The following STX18 variants were observed in gnomAD, a reference collection of about 807,000 sequenced individuals.
The protein encoded by STX18 is syntaxin 18.
Under a neutral mutation model 50.1 loss-of-function variants are expected in STX18, and 40 were observed. The observed-to-expected ratio is 0.80, with a 90% confidence interval of 0.62 to 1.04. The LOEUF is 1.04. Ranked by LOEUF, STX18 falls within the 50% of genes least tolerant of loss-of-function variation. STX18 has a pLI of 0.00. For missense variants in STX18, 410 were observed against 415.8 expected (o/e 0.99, Z 0.12); for synonymous variants, 158 against 151.8 (o/e 1.04, Z -0.30).
At chr4:4,526,489 A>G (rs910570283) in intron 1 of STX18, among the ~76,000 whole-genome samples, 4 of 152,146 alleles carry the variant, frequency 2.6e-5, no homozygotes, top group African/African-American at 9.7e-5. Context: ...CGAATTCCTA[A>G]ATTTTTATTT....
intron 3 of STX18, among the ~76,000 whole-genome samples, chr4:4,459,062 G>GCACACACACACA (rs60704649): frequency 0.11 from 15,253 of 144,190 alleles, 824 homozygotes; most frequent in Non-Finnish European, 0.13. Flanking sequence ...ACACACACAC[G>GCACACACACACA]CACACACACA....
intron 1 of STX18, among the ~76,000 whole-genome samples, chr4:4,524,236 T>C (rs1730647618): frequency 6.6e-6 from 1 of 152,076 alleles, no homozygotes; most frequent in African/African-American, 2.4e-5. Context: ...TAAAGCAGAG[T>C]GAATGGGCAC....
At chr4:4,449,303 G>A (rs916634943) in intron 5 of STX18, among the ~76,000 whole-genome samples, 2 of 151,550 alleles carry the variant, frequency 1.3e-5, no homozygotes, top group East Asian at 1.9e-4. Flanking sequence ...CTCCCACCTC[G>A]GCCTCCCAAA....
chr4:4,491,833 T>C (rs1304949492), intron 1 of STX18, among the ~76,000 whole-genome samples: 1 of 152,082 alleles, frequency 6.6e-6, no homozygotes, highest in East Asian at 1.9e-4. Context: ...AGAATGAACA[T>C]ATTTTAAAGT....
Position 4,420,199 on chromosome 4 carries a change from C to T in STX18, c.913-70G>A, listed in dbSNP as rs1421534701. 2.2e-5 allele frequency: 27 copies of T among 1,252,880 alleles called. No individual in the cohort carries two copies. The highest frequency in any genetic ancestry group is 2.7e-5 in the Non-Finnish European group (24 of 882,070). 77.6% of individuals were successfully genotyped at this position (1,252,880 alleles called of 1,614,324 possible). ...TGGTTTGAGCAGCCCTGAAATGCCC[C>T]CCTCTTCCCACGTGCTCTCCTGATC... On this transcript the variant is annotated intron_variant, in intron 10 of 10. Coordinates refer to ENST00000306200, the MANE Select transcript of STX18 (RefSeq NM_016930.4). This position sits in a 1 kb window ranked among gnomAD's most constrained non-coding sequence, Gnocchi z 4.3.
chr4:4,435,098 G>C (rs1443494827), intron 6 of STX18, among the ~76,000 whole-genome samples: 1 of 152,146 alleles, frequency 6.6e-6, no homozygotes, highest in East Asian at 1.9e-4. Flanking sequence ...GGGGACCTAT[G>C]CACGGTTTCA....
chr4:4,456,748 T>A (rs1017190663), intron 5 of STX18, among the ~76,000 whole-genome samples: 6 of 152,162 alleles, frequency 3.9e-5, no homozygotes, highest in African/African-American at 1.4e-4. Context: ...CTCTCAGGAA[T>A]ACACTTTCAG....
At chr4:4,481,930 G>C (rs1728482688) in intron 1 of STX18, among the ~76,000 whole-genome samples, 1 of 152,136 alleles carries the variant, frequency 6.6e-6, no homozygotes, top group African/African-American at 2.4e-5. Context: ...TCTTTCAGCA[G>C]TTGTTGAGTA....
At chr4:4,521,681 T>A (rs945887103) in intron 1 of STX18, among the ~76,000 whole-genome samples, 2 of 151,920 alleles carry the variant, frequency 1.3e-5, no homozygotes, top group African/African-American at 4.8e-5. Context: ...AAAAAAAAAA[T>A]ACAACTTAGC....
chr4:4,522,925 G>T (rs914726638), intron 1 of STX18, among the ~76,000 whole-genome samples: 1 of 152,228 alleles, frequency 6.6e-6, no homozygotes, highest in Non-Finnish European at 1.5e-5. Flanking sequence ...TGTGAGTGCA[G>T]AGAGACAGAA....
chr4:4,486,994 T>C (rs971495836), intron 1 of STX18, among the ~76,000 whole-genome samples: 3 of 152,170 alleles, frequency 2.0e-5, no homozygotes, highest in Non-Finnish European at 4.4e-5. Context: ...TCTGATCTCT[T>C]CTATAAAAGA....
At chr4:4,531,900 T>C (rs998002370) in intron 1 of STX18, among the ~76,000 whole-genome samples, 1 of 152,236 alleles carries the variant, frequency 6.6e-6, no homozygotes, top group Non-Finnish European at 1.5e-5. Flanking sequence ...GAGGCTATGA[T>C]AAATTTGAAA....
chr4:4,444,936 A>G (rs56040741), intron 5 of STX18, among the ~76,000 whole-genome samples: 1 of 152,208 alleles, frequency 6.6e-6, no homozygotes, highest in African/African-American at 2.4e-5. Flanking sequence ...ATCAAGAGCA[A>G]GGAAAAGATG....
chr4:4,506,336 T>G (rs796638551), intron 1 of STX18, among the ~76,000 whole-genome samples: 17 of 152,364 alleles, frequency 1.1e-4, no homozygotes, highest in African/African-American at 4.1e-4. Context: ...TAACTTCATG[T>G]AACGGATACT....
intron 5 of STX18, among the ~76,000 whole-genome samples, chr4:4,449,570 A>C (rs1300798816): frequency 6.6e-6 from 1 of 152,186 alleles, no homozygotes; most frequent in Non-Finnish European, 1.5e-5. Context: ...GGTTGGATTC[A>C]AGTCATGCTT....
At chr4:4,484,493 T>G (rs1728614915) in intron 1 of STX18, among the ~76,000 whole-genome samples, 1 of 152,222 alleles carries the variant, frequency 6.6e-6, no homozygotes, top group South Asian at 2.1e-4. Flanking sequence ...TCCTGTCATT[T>G]GCAATTCTGA....
At chr4:4,452,540 A>T (rs370616656) in intron 5 of STX18, among the ~76,000 whole-genome samples, 1 of 152,196 alleles carries the variant, frequency 6.6e-6, no homozygotes, top group African/African-American at 2.4e-5. Flanking sequence ...CTCATTTACC[A>T]TTCCAAAAAT....
chr4:4,478,035 G>A (rs1728274074), intron 1 of STX18: 2 of 152,112 alleles, frequency 1.3e-5, no homozygotes, highest in Non-Finnish European at 2.9e-5. Flanking sequence ...AAGGTCACAA[G>A]GCTAATAAAC....
At chr4:4,472,322 A>G (rs1727961995) in intron 1 of STX18, among the ~76,000 whole-genome samples, 2 of 152,260 alleles carry the variant, frequency 1.3e-5, no homozygotes, top group Non-Finnish European at 2.9e-5. Context: ...CATGCCAGGT[A>G]CTGTGCATGG....
Sources: allele counts gnomAD v4.1 joint callset (sites outside exome capture counted in the v4.1 genomes callset), GRCh38; gene constraint gnomAD v4.1.1; non-coding constraint Gnocchi (gnomAD v3.1); transcripts MANE v1.5; gene names NCBI Gene and HGNC (gene_info 2026-07-23, HGNC 2026-07-21).